Variants in KHDRBS2 observed in about 807,000 individuals in gnomAD.
The protein encoded by KHDRBS2 is KH domain-containing, RNA-binding, signal transduction-associated protein 2.
Under a neutral mutation model 44.3 loss-of-function variants are expected in KHDRBS2, and 26 were observed. The observed-to-expected ratio is 0.59, with a 90% CI of 0.43 to 0.81. The LOEUF (loss-of-function observed/expected upper bound fraction) is 0.81, where lower values mean the gene tolerates loss of function less well. Ranked by LOEUF, KHDRBS2 falls within the 40% of genes least tolerant of loss-of-function variation. The pLI is 0.00. For synonymous variants in KHDRBS2, 194 were observed against 151.1 expected, an observed-to-expected ratio of 1.28 and a Z score of -2.08; for missense variants, 476 against 433.1, an observed-to-expected ratio of 1.10 and a Z score of -0.88.
the KHDRBS2 span, among the ~76,000 whole-genome samples, chr6:61,636,458 C>T: frequency 6.6e-6 from 1 of 152,090 alleles, no homozygotes; most frequent in East Asian, 1.9e-4. Context: ...ATGGACTTCC[C>T]TTGATTCCTC....
chr6:61,626,486 A>G, the KHDRBS2 span, among the ~76,000 whole-genome samples: 23 of 152,186 alleles, frequency 1.5e-4, no homozygotes, highest in African/African-American at 5.1e-4. Flanking sequence ...TTTTGACCTC[A>G]TTACTTTTGC....
chr6:61,689,368 C>T (rs1767141261), intron 8 of KHDRBS2, among the ~76,000 whole-genome samples: 1 of 151,918 alleles, frequency 6.6e-6, no homozygotes, highest in Non-Finnish European at 1.5e-5. Context: ...ACCGTGGGAA[C>T]CCCCGAATTT....
chr6:61,934,297 G>A (rs544700424), intron 4 of KHDRBS2, among the ~76,000 whole-genome samples: 3 of 151,980 alleles, frequency 2.0e-5, no homozygotes, highest in Non-Finnish European at 2.9e-5. Flanking sequence ...GAAACTTTTT[G>A]GTTAGATGTA....
At chr6:62,212,524 T>A (rs1349671653) in intron 1 of KHDRBS2, among the ~76,000 whole-genome samples, 1 of 152,040 alleles carries the variant, frequency 6.6e-6, no homozygotes, top group Non-Finnish European at 1.5e-5. Flanking sequence ...ATTGGAGTTG[T>A]AGTTAGTAAA....
chr6:61,565,687 AATGCTTGTACCC>A, the KHDRBS2 span, among the ~76,000 whole-genome samples: 1 of 152,124 alleles, frequency 6.6e-6, no homozygotes, highest in Middle Eastern at 3.2e-3. Context: ...AAGAAAGGAG[AATGCTTGTACCC>A]TGTTGGTGGG....
At chr6:62,128,277 T>A (rs543133597) in intron 2 of KHDRBS2, among the ~76,000 whole-genome samples, 1 of 152,072 alleles carries the variant, frequency 6.6e-6, no homozygotes, top group Non-Finnish European at 1.5e-5. Context: ...AAAATGGGGA[T>A]ATAATCAGTG....
chr6:61,663,380 C>A, the KHDRBS2 span, among the ~76,000 whole-genome samples: 1 of 143,586 alleles, frequency 7.0e-6, no homozygotes, highest in Non-Finnish European at 1.5e-5. Context: ...TGCACATGTA[C>A]CCTAAAACTT....
intron 2 of KHDRBS2, among the ~76,000 whole-genome samples, chr6:62,059,667 G>C (rs1285598116): frequency 1.3e-5 from 2 of 151,720 alleles, no homozygotes; most frequent in Admixed American, 1.3e-4. Context: ...CTTCCAAATG[G>C]AGAAACCTAG....
chr6:61,833,455 A>G (rs146349541), intron 6 of KHDRBS2, among the ~76,000 whole-genome samples: 2 of 152,154 alleles, frequency 1.3e-5, no homozygotes, highest in Non-Finnish European at 2.9e-5. Context: ...TTCTTTTCCT[A>G]TATAATACCA....
chr6:61,581,137 A>C, the KHDRBS2 span, among the ~76,000 whole-genome samples: 1 of 152,172 alleles, frequency 6.6e-6, no homozygotes, highest in Non-Finnish European at 1.5e-5. Flanking sequence ...TGCTTCACTC[A>C]GGCTGTAGAA....
chr6:62,104,479 T>C (rs1472513980), intron 2 of KHDRBS2, among the ~76,000 whole-genome samples: 1 of 152,116 alleles, frequency 6.6e-6, no homozygotes, highest in East Asian at 1.9e-4. Context: ...TAAAATTGGG[T>C]ATCAGTAATT....
At chr6:61,617,961 C>T in the KHDRBS2 span, among the ~76,000 whole-genome samples, 1 of 152,030 alleles carries the variant, frequency 6.6e-6, no homozygotes, top group African/African-American at 2.4e-5. Flanking sequence ...AGAAAATTTG[C>T]ACTATTTTAG....
At chr6:61,566,553 A>T in the KHDRBS2 span, among the ~76,000 whole-genome samples, 1 of 152,166 alleles carries the variant, frequency 6.6e-6, no homozygotes, top group Non-Finnish European at 1.5e-5. Flanking sequence ...ACCACACATA[A>T]TGAATACCTT....
At chr6:62,207,667 G>T (rs1355020135) in intron 1 of KHDRBS2, among the ~76,000 whole-genome samples, 2 of 152,154 alleles carry the variant, frequency 1.3e-5, no homozygotes, top group Non-Finnish European at 2.9e-5. Flanking sequence ...AGGATAAGCT[G>T]CCTTTGACAT....
chr6:61,668,393 A>T, the KHDRBS2 span, among the ~76,000 whole-genome samples: 1,956 of 151,160 alleles, frequency 0.013, 22 homozygotes, highest in Non-Finnish European at 0.023. Flanking sequence ...AACACTGGAC[A>T]CAGACATTTT....
chr6:61,579,339 T>C, the KHDRBS2 span, among the ~76,000 whole-genome samples: 1 of 152,268 alleles, frequency 6.6e-6, no homozygotes, highest in African/African-American at 2.4e-5. Context: ...ATTACAACTA[T>C]CAGTAAATAT....
chr6:61,603,144 T>A, the KHDRBS2 span, among the ~76,000 whole-genome samples: 1 of 152,220 alleles, frequency 6.6e-6, no homozygotes, highest in African/African-American at 2.4e-5. Flanking sequence ...GTCACTTGCC[T>A]GTTACAGCAT....
intron 6 of KHDRBS2, among the ~76,000 whole-genome samples, chr6:61,771,667 G>T (rs1293385924): frequency 6.6e-6 from 1 of 152,062 alleles, no homozygotes; most frequent in Non-Finnish European, 1.5e-5. Context: ...CCCAATACAG[G>T]AGCACCCAGA....
intron 1 of KHDRBS2, among the ~76,000 whole-genome samples, chr6:62,202,235 C>A (rs924158864): frequency 6.6e-6 from 1 of 152,024 alleles, no homozygotes; most frequent in Admixed American, 6.6e-5. Context: ...GAAATGAATT[C>A]TTTAGAGACT....
Sources: gnomAD v4.1 joint callset for allele counts (sites outside exome capture counted in the v4.1 genomes callset) on GRCh38, gnomAD v4.1.1 for gene constraint, MANE v1.5 for transcripts, NCBI Gene and HGNC (gene_info 2026-07-23, HGNC 2026-07-21) for gene names.